EML1: variants seen among roughly 807,000 people sequenced by gnomAD.
The protein encoded by EML1 is echinoderm microtubule-associated protein-like 1.
EML1 carries 27 observed loss-of-function variants against 110.4 expected under a neutral mutation model. The ratio of observed to expected loss-of-function variants is 0.24; its 90% CI spans 0.18 to 0.34. EML1 has a LOEUF of 0.34. EML1 is among the 10% of genes least tolerant of loss of function. The pLI is 1.00. For missense variants in EML1, 741 were observed against 1,030.9 expected (o/e 0.72, Z 3.85); for synonymous variants, 344 against 385.8 (o/e 0.89, Z 1.27).
chr14:99,842,284 GT>G lies in EML1; in HGVS notation c.68-8567del, dbSNP rs549066934. 1.8e-3 allele frequency among the ~76,000 whole-genome samples: 268 copies of G among 152,306 alleles called. 2 individuals carry two copies. Among genetic ancestry groups the G allele is most frequent in the Non-Finnish European group, 3.2e-3 (217 of 68,012 alleles). On this transcript the variant is annotated intron_variant, in intron 1 of 21. Coordinates refer to ENST00000262233, the MANE Select transcript of EML1 (RefSeq NM_004434.3). The stretch of plus-strand genomic sequence containing the variant: ...TTGGTTAAAGCAAGCTTTAGGCTTT[GT>G]TCTTCATTATGCTAATCAGTTTTTC...
exon 1 of EML1, chr14:99,737,812 CG>C: frequency 1.6e-6 from 2 of 1,289,242 alleles, no homozygotes; most frequent in Non-Finnish European, 2.0e-6. Context: ...GGTGGCCAGC[CG>C]GCCGCCCATC....
At chr14:99,837,508 TA>T (rs1397758697) in intron 1 of EML1, among the ~76,000 whole-genome samples, 2 of 152,216 alleles carry the variant, frequency 1.3e-5, no homozygotes. Context: ...CAAAAAGGAT[TA>T]AAAATTTTTT....
rs150098313 is a variant in EML1, at chr14:99,875,724, C to G, written c.384-2761C>G. On this transcript the variant is annotated intron_variant, in intron 3 of 21. Transcript: ENST00000262233. ...ACTAAAGACTGGGCGGAGAATAATC[C>G]TGCTAAGTCAAATTAGCTTGGTGTT... 5.3e-5 allele frequency among the ~76,000 whole-genome samples: 8 copies of G among 152,288 alleles called. No individual in the cohort carries two copies. In the East Asian group the frequency reaches 1.5e-3, roughly 29 times the overall value.
At chr14:99,826,470 C>G (rs964277266) in intron 1 of EML1, among the ~76,000 whole-genome samples, 7 of 152,092 alleles carry the variant, frequency 4.6e-5, no homozygotes, top group African/African-American at 1.7e-4. Flanking sequence ...ATGCACTGTA[C>G]AATTCCCAAG....
At chr14:99,761,176 A>G (rs2057310140) in intron 1 of EML1, among the ~76,000 whole-genome samples, 1 of 152,182 alleles carries the variant, frequency 6.6e-6, no homozygotes, top group African/African-American at 2.4e-5. Context: ...TGACTTGGGC[A>G]GAGTCACACA....
At chr14:99,768,431 G>A (rs957102582), upstream of EML1, among the ~76,000 whole-genome samples, 2 of 152,070 alleles carry the variant, frequency 1.3e-5, no homozygotes, top group African/African-American at 2.4e-5. Context: ...GGAGGAAGAG[G>A]GTCCAAAATG....
In EML1 at chr14:99,738,528, G is replaced by A. The variant is rs966148192; in HGVS notation, c.28+668G>A. Among the ~76,000 whole-genome samples the A allele has an allele frequency of 3.9e-5, 6 of 152,206 alleles. No homozygotes were observed. The East Asian group carries it at 5.8e-4, about 15-fold the overall frequency. On this transcript the variant is annotated intron_variant, in intron 1 of 10. Coordinates refer to the EML1 transcript ENST00000554479. Reference sequence around the variant, plus strand: ...CAGAGCCAGCCTTGGCGGAATGGGGGCTGGGGACGGCCAAATCCAGGGGGA... The same window carrying A: ...CAGAGCCAGCCTTGGCGGAATGGGGACTGGGGACGGCCAAATCCAGGGGGA...
intron 1 of EML1, among the ~76,000 whole-genome samples, chr14:99,803,596 C>A (rs1251661357): frequency 1.3e-5 from 2 of 152,212 alleles, no homozygotes; most frequent in Non-Finnish European, 2.9e-5. Context: ...TCGCTAGACA[C>A]CGCTTCACTG....
chr14:99,826,133 G>A (rs979266498), intron 1 of EML1, among the ~76,000 whole-genome samples: 2 of 99,158 alleles, frequency 2.0e-5, no homozygotes, highest in African/African-American at 8.4e-5. Context: ...TTTTTTTTGA[G>A]ATGGAGTCTT....
chr14:99,914,691 A>G lies in EML1; in HGVS notation c.1746A>G (p.Ile582Met). 1 of 1,604,092 alleles carries G rather than the reference A, an allele frequency of 6.2e-7. No homozygotes were observed. The highest frequency in any genetic ancestry group is 8.5e-7 in the Non-Finnish European group (1 of 1,177,634). ...AVGHRPVWDK[I>M]IEDPAQSSGF... Reference sequence around the variant, plus strand: ...GTCACCGTCCCGTCTGGGACAAAATAATAGAGGTAAACATGCACATTACAT... The same window carrying G: ...GTCACCGTCCCGTCTGGGACAAAATGATAGAGGTAAACATGCACATTACAT... The change falls in exon 15 of 22, where the codon ATA (isoleucine) becomes ATG (methionine). Residue 582 changes from isoleucine to methionine, a missense_variant. Coordinates refer to ENST00000262233, the MANE Select transcript of EML1 (RefSeq NM_004434.3).
chr14:99,800,619 T>C (rs931839875), intron 1 of EML1, among the ~76,000 whole-genome samples: 2 of 152,234 alleles, frequency 1.3e-5, no homozygotes, highest in Non-Finnish European at 1.5e-5. Flanking sequence ...CCTTGGCTTC[T>C]CAAAATGCTG....
At chr14:99,749,128 A>T (rs895873080) in intron 1 of EML1, among the ~76,000 whole-genome samples, 2 of 152,190 alleles carry the variant, frequency 1.3e-5, no homozygotes, top group African/African-American at 4.8e-5. Flanking sequence ...ACACTCGTGT[A>T]CCAGTTTCTG....
intron 1 of EML1, among the ~76,000 whole-genome samples, chr14:99,836,607 G>T (rs1471706506): frequency 1.3e-5 from 2 of 152,060 alleles, no homozygotes; most frequent in Non-Finnish European, 2.9e-5. Context: ...TAATCCTATT[G>T]TCTGTGTTAT....
At position 99,940,226 on chromosome 14, in the gene EML1, CTG is replaced by C; in HGVS notation, c.*117_*118del. On this transcript the variant is annotated 3_prime_UTR_variant, in exon 22 of 22. Coordinates refer to ENST00000262233, the MANE Select transcript of EML1 (RefSeq NM_004434.3). Reference sequence around the variant, plus strand: ...AAAATTCTTACAAACCTCAGGAAAACTGTGCCCTCCGCCGGCTACCTTAGCTT... The same window carrying C: ...AAAATTCTTACAAACCTCAGGAAAACTGCCCTCCGCCGGCTACCTTAGCTT... 7.5e-7 allele frequency: 1 copy of C among 1,333,204 alleles called. No individual in the cohort carries two copies. Among genetic ancestry groups the C allele is most frequent in the East Asian group, 2.9e-5 (1 of 34,324 alleles). 82.6% of individuals were successfully genotyped at this position (1,333,204 alleles called of 1,614,324 possible).
At chr14:99,819,819 C>T (rs1039079274) in intron 1 of EML1, among the ~76,000 whole-genome samples, 3 of 152,236 alleles carry the variant, frequency 2.0e-5, no homozygotes, top group African/African-American at 7.2e-5. Flanking sequence ...ACCACGCAGC[C>T]AGCCTCACTG....
In EML1 at chr14:99,878,390, G is replaced by A. The variant is rs545068220; in HGVS notation, c.384-95G>A. ...AGGCCTGTCTTTTGAATATCCATGT[G>A]GAAGTATGACGTTCTATGTATATAT... On this transcript the variant is annotated intron_variant, in intron 3 of 21. Coordinates refer to ENST00000262233, the MANE Select transcript of EML1 (RefSeq NM_004434.3). 2.7e-6 allele frequency: 4 copies of A among 1,482,648 alleles called. No homozygotes were observed. The South Asian group carries it at 5.7e-5, about 21-fold the overall frequency. 91.8% of individuals were successfully genotyped at this position (1,482,648 alleles called of 1,614,324 possible).
At chr14:99,917,883 A>T in intron 16 of EML1, 34 bp downstream of exon 16, 1 of 1,610,214 alleles carries the variant, frequency 6.2e-7, no homozygotes, top group South Asian at 1.1e-5. Flanking sequence ...GTGCTTGCAA[A>T]GCTTATGGAA....
intron 1 of EML1, among the ~76,000 whole-genome samples, chr14:99,741,207 C>G (rs2057037978): frequency 6.6e-6 from 1 of 152,222 alleles, no homozygotes; most frequent in East Asian, 1.9e-4. Context: ...GGACAGGCCT[C>G]TAACCTGCAG....
At chr14:99,920,185 C>T (rs1002736911) in intron 16 of EML1, among the ~76,000 whole-genome samples, 3 of 152,160 alleles carry the variant, frequency 2.0e-5, no homozygotes, top group African/African-American at 4.8e-5. Flanking sequence ...GGCTCTTCTC[C>T]CCATCTCACC....
Sources: gnomAD v4.1 joint callset for allele counts (sites outside exome capture counted in the v4.1 genomes callset) on GRCh38, gnomAD v4.1.1 for gene constraint, MANE v1.5 for transcripts, NCBI Gene and HGNC (gene_info 2026-07-23, HGNC 2026-07-21) for gene names.